The following PRKG1 variants were observed in gnomAD, a reference collection of about 807,000 sequenced individuals.
PRKG1 encodes the protein cGMP-dependent protein kinase 1.
In PRKG1, 35 loss-of-function variants were observed where a neutral mutation model predicts 88.1. That is an observed-to-expected ratio of 0.40 (90% confidence interval 0.30 to 0.53). The LOEUF (loss-of-function observed/expected upper bound fraction) is 0.53. Among genes scored for constraint, PRKG1 ranks in the 20% least tolerant of loss-of-function variants. The pLI is 0.59. For missense variants in PRKG1, 540 were observed against 839.8 expected, an observed-to-expected ratio of 0.64 and a Z score of 4.41; for synonymous variants, 303 against 292.5, an observed-to-expected ratio of 1.04 and a Z score of -0.37.
intron 3 of PRKG1, among the ~76,000 whole-genome samples, chr10:51,486,867 A>G (rs1361452521): frequency 6.6e-6 from 1 of 152,062 alleles, no homozygotes; most frequent in African/African-American, 2.4e-5. Context: ...TGTAATTCCT[A>G]ATTTCTACAG....
At chr10:52,168,321 G>A (rs142402625) in intron 9 of PRKG1, among the ~76,000 whole-genome samples, 99 of 152,276 alleles carry the variant, frequency 6.5e-4, no homozygotes, top group African/African-American at 2.3e-3. Flanking sequence ...AGGAGGTATG[G>A]AGAGCATTCT....
At chr10:51,346,237 G>A (rs1212935710) in intron 2 of PRKG1, among the ~76,000 whole-genome samples, 1 of 152,120 alleles carries the variant, frequency 6.6e-6, no homozygotes, top group East Asian at 1.9e-4. Flanking sequence ...GCGTACAATT[G>A]GATTCAGAAA....
chr10:51,204,802 A>G (rs1385372649), intron 2 of PRKG1, among the ~76,000 whole-genome samples: 3 of 152,212 alleles, frequency 2.0e-5, no homozygotes, highest in African/African-American at 4.8e-5. Context: ...CTTGTCTTTC[A>G]GTTTGATTTT....
intron 3 of PRKG1, among the ~76,000 whole-genome samples, chr10:51,558,802 G>A (rs1837380994): frequency 6.6e-6 from 1 of 152,094 alleles, no homozygotes; most frequent in Non-Finnish European, 1.5e-5. Context: ...CAAGCAGGTA[G>A]ATAAAAATCT....
intron 4 of PRKG1, among the ~76,000 whole-genome samples, chr10:51,822,291 A>G (rs1839769654): frequency 6.6e-6 from 1 of 152,084 alleles, no homozygotes; most frequent in African/African-American, 2.4e-5. Flanking sequence ...CATTGAGGAC[A>G]TTGTGCTAAG....
At chr10:51,548,942 A>C (rs1842509633) in intron 3 of PRKG1, among the ~76,000 whole-genome samples, 2 of 152,062 alleles carry the variant, frequency 1.3e-5, no homozygotes, top group East Asian at 1.9e-4. Flanking sequence ...ATTTTACCTG[A>C]TAAAAAACTT....
chr10:52,004,265 C>T lies in PRKG1; in HGVS notation c.763-50219C>T, dbSNP rs541398341. On this transcript the variant is annotated intron_variant, in intron 5 of 17. Transcript: ENST00000373980. ...TTGTTTTTAATTATATTTTCAAATG[C>T]TAGTAAAATTCTGGCACAAATAAAT... Among the ~76,000 whole-genome samples the T allele has an allele frequency of 1.2e-4, 18 of 152,094 alleles. 1 individual carries two copies. The South Asian group carries it at 3.5e-3, about 30-fold the overall frequency.
At chr10:51,928,283 A>T in intron 5 of PRKG1, among the ~76,000 whole-genome samples, 1 of 152,218 alleles carries the variant, frequency 6.6e-6, no homozygotes, top group South Asian at 2.1e-4. Flanking sequence ...TTGAGGAAAA[A>T]GATATGTGAC....
chr10:52,239,520 G>GA (rs1840793602), intron 9 of PRKG1, among the ~76,000 whole-genome samples: 1 of 20,658 alleles, frequency 4.8e-5, no homozygotes, highest in Non-Finnish European at 1.0e-4. Flanking sequence ...TTTCTACAGT[G>GA]TAAAAAAAAA....
chr10:52,138,243 A>T (rs1470695620), intron 8 of PRKG1, among the ~76,000 whole-genome samples: 8 of 152,034 alleles, frequency 5.3e-5, no homozygotes, highest in Non-Finnish European at 8.8e-5. Flanking sequence ...TCCAGCAAGT[A>T]AGGAAGTGAC....
chr10:51,695,524 T>C (rs1036284872), intron 3 of PRKG1: 2 of 152,226 alleles, frequency 1.3e-5, no homozygotes, highest in Non-Finnish European at 2.9e-5. Flanking sequence ...CATGAAACAA[T>C]GCAGAGATTT....
At chr10:51,671,568 C>T (rs1429632174) in intron 3 of PRKG1, among the ~76,000 whole-genome samples, 1 of 151,384 alleles carries the variant, frequency 6.6e-6, no homozygotes, top group Non-Finnish European at 1.5e-5. Flanking sequence ...CTCAGTGCCT[C>T]TTCTTCTCTC....
intron 5 of PRKG1, among the ~76,000 whole-genome samples, chr10:52,010,823 C>A (rs1346993680): frequency 6.6e-6 from 1 of 152,176 alleles, no homozygotes; most frequent in Non-Finnish European, 1.5e-5. Context: ...GGACAAACTT[C>A]AGAATACTCA....
intron 9 of PRKG1, among the ~76,000 whole-genome samples, chr10:52,201,475 T>A (rs1382562887): frequency 6.6e-6 from 1 of 152,172 alleles, no homozygotes; most frequent in Non-Finnish European, 1.5e-5. Flanking sequence ...TAGTTTGAAG[T>A]CAAGTACTGT....
intron 4 of PRKG1, among the ~76,000 whole-genome samples, chr10:51,811,198 A>G (rs1005725319): frequency 1.3e-5 from 2 of 152,178 alleles, no homozygotes; most frequent in Non-Finnish European, 2.9e-5. Context: ...AGTAAACTAA[A>G]GTGAGGGTAG....
chr10:52,006,780 T>C (rs1363444621), intron 5 of PRKG1, among the ~76,000 whole-genome samples: 1 of 152,122 alleles, frequency 6.6e-6, no homozygotes, highest in Non-Finnish European at 1.5e-5. Context: ...AAAGAAACCC[T>C]GTGAGATATT....
intron 1 of PRKG1, among the ~76,000 whole-genome samples, chr10:51,023,036 A>G (rs1156282109): frequency 6.6e-6 from 1 of 152,152 alleles, no homozygotes; most frequent in Admixed American, 6.6e-5. Context: ...ATCTGTATCC[A>G]CAGCATGCAA....
chr10:51,504,223 C>T (rs566968598), intron 3 of PRKG1, among the ~76,000 whole-genome samples: 1 of 152,120 alleles, frequency 6.6e-6, no homozygotes, highest in Admixed American at 6.6e-5. Flanking sequence ...TGGCACAGAC[C>T]TCTTGACACA....
intron 1 of PRKG1, among the ~76,000 whole-genome samples, chr10:51,053,500 C>A (rs1333703780): frequency 6.6e-6 from 1 of 152,136 alleles, no homozygotes; most frequent in African/African-American, 2.4e-5. Flanking sequence ...TATCCTGGGC[C>A]ATTCCTGTCC....
Sources: gnomAD v4.1 joint callset for allele counts (sites outside exome capture counted in the v4.1 genomes callset) on GRCh38, gnomAD v4.1.1 for gene constraint, MANE v1.5 for transcripts, NCBI Gene and HGNC (gene_info 2026-07-23, HGNC 2026-07-21) for gene names.